The following ARHGEF7 variants were observed in gnomAD, a reference collection of about 807,000 sequenced individuals.
ARHGEF7 encodes PAK-interacting exchange factor beta.
A neutral mutation model predicts 109.8 loss-of-function variants in ARHGEF7; 33 were observed. The ratio of observed to expected loss-of-function variants is 0.30; its 90% CI spans 0.23 to 0.40. The LOEUF (loss-of-function observed/expected upper bound fraction) is 0.40, where lower values mean the gene tolerates loss of function less well. Among genes scored for constraint, ARHGEF7 ranks in the 10% least tolerant of loss-of-function variants. ARHGEF7 has a pLI of 1.00. For missense variants in ARHGEF7, 938 were observed against 1,098.5 expected, an observed-to-expected ratio of 0.85 and a Z score of 2.07; for synonymous variants, 458 against 424.6, an observed-to-expected ratio of 1.08 and a Z score of -0.97.
intron 1 of ARHGEF7, among the ~76,000 whole-genome samples, chr13:111,148,406 TAC>T (rs1467451596): frequency 6.6e-6 from 1 of 152,252 alleles, no homozygotes; most frequent in Non-Finnish European, 1.5e-5. Flanking sequence ...ATGTTTTAGG[TAC>T]AGTGTTCTTT....
At chr13:111,216,322 T>G (rs1460417080) in intron 4 of ARHGEF7, among the ~76,000 whole-genome samples, 1 of 152,018 alleles carries the variant, frequency 6.6e-6, no homozygotes, top group Non-Finnish European at 1.5e-5. Flanking sequence ...GGGGGCTGTA[T>G]GTCAAGAAGT....
chr13:111,153,568 C>T (rs546537072), intron 1 of ARHGEF7: 3 of 1,034,606 alleles, frequency 2.9e-6, no homozygotes, highest in South Asian at 5.6e-5. Context: ...GCAGGGTGGG[C>T]TGCGTCCGCG....
At chr13:111,183,690 T>A (rs971536967) in intron 2 of ARHGEF7, among the ~76,000 whole-genome samples, 1 of 152,192 alleles carries the variant, frequency 6.6e-6, no homozygotes, top group African/African-American at 2.4e-5. Flanking sequence ...ATGGCCTCTT[T>A]ATGAGGGAGG....
At chr13:111,203,136 A>G (rs548845318) in intron 2 of ARHGEF7, 2 of 1,271,052 alleles carry the variant, frequency 1.6e-6, no homozygotes, top group African/African-American at 3.1e-5. Flanking sequence ...AAATTTATGT[A>G]TGTATTTCTT....
intron 2 of ARHGEF7, among the ~76,000 whole-genome samples, chr13:111,172,746 A>G (rs903482775): frequency 6.6e-6 from 1 of 152,224 alleles, no homozygotes; most frequent in Non-Finnish European, 1.5e-5. Context: ...GCTAGACAGT[A>G]ACTATCTTGT....
At chr13:111,237,837 C>T (rs1442823491) in intron 6 of ARHGEF7, among the ~76,000 whole-genome samples, 1 of 152,182 alleles carries the variant, frequency 6.6e-6, no homozygotes, top group Non-Finnish European at 1.5e-5. Flanking sequence ...AGATAGAAGA[C>T]ATTGTGCTAG....
intron 4 of ARHGEF7, among the ~76,000 whole-genome samples, chr13:111,211,125 G>A (rs2082437343): frequency 6.6e-6 from 1 of 152,160 alleles, no homozygotes; most frequent in Admixed American, 6.5e-5. Flanking sequence ...GTGGGCGGTG[G>A]GCTGCATGGC....
At chr13:111,292,952 G>T in intron 19 of ARHGEF7, 1 of 985,950 alleles carries the variant, frequency 1.0e-6, no homozygotes, top group Non-Finnish European at 1.2e-6. Context: ...TCACGGCTCT[G>T]TGCTCTTCTG....
At chr13:111,242,690 C>T (rs1595099977) in intron 6 of ARHGEF7, among the ~76,000 whole-genome samples, 1 of 152,382 alleles carries the variant, frequency 6.6e-6, no homozygotes. Context: ...TCCTCAGTCT[C>T]ATGCCAAAGA....
chr13:111,174,637 G>C (rs972169886), intron 2 of ARHGEF7, among the ~76,000 whole-genome samples: 3 of 152,178 alleles, frequency 2.0e-5, no homozygotes, highest in Non-Finnish European at 4.4e-5. Context: ...TCATTGTCTT[G>C]CCTTAGTTAA....
intron 13 of ARHGEF7, 27 bp from the exon 14 acceptor site, chr13:111,280,245 T>A: frequency 6.3e-7 from 1 of 1,591,270 alleles, no homozygotes; most frequent in Non-Finnish European, 8.6e-7. Context: ...AATTGTTTTT[T>A]TTTTTGTGGG....
chr13:111,132,632 A>G (rs1372864215), intron 1 of ARHGEF7, among the ~76,000 whole-genome samples: 1 of 152,220 alleles, frequency 6.6e-6, no homozygotes, highest in African/African-American at 2.4e-5. Flanking sequence ...AGTGTATTAC[A>G]TATCATGCTA....
intron 8 of ARHGEF7, 125 bp from the exon 9 acceptor site, chr13:111,267,423 C>T: frequency 7.7e-7 from 1 of 1,296,662 alleles, no homozygotes; most frequent in Non-Finnish European, 1.1e-6. Context: ...GGATCGGGGC[C>T]TCTGGTTTTC....
At chr13:111,157,730 T>C (rs903053458) in intron 2 of ARHGEF7, among the ~76,000 whole-genome samples, 1 of 152,338 alleles carries the variant, frequency 6.6e-6, no homozygotes, top group Middle Eastern at 3.4e-3. Context: ...TCCAGTATTT[T>C]GCTATGTTAC....
In ARHGEF7 at chr13:111,283,293, A is replaced by G. The variant is rs1263611040; in HGVS notation, c.1880A>G (p.Lys627Arg). The change falls in exon 16 of 22, where the codon AAG becomes AGG. Residue 627 changes from lysine (K) to arginine (R), a missense_variant. Physicochemically the swap from Lys to Arg is conservative, Grantham distance 26. This residue lies in a region of ARHGEF7 where 585 missense variants were observed against 723.6 expected (regional missense o/e 0.81). Transcript: ENST00000646102. ...WGPLEPPKTP[K>R]PWSLSCLRPA... ...CCCCTGGAGCCTCCGAAAACACCCAAGCCCTGGAGCCTGAGCTGCCTGCGG... is the reference window on the plus strand; with the variant it reads ...CCCCTGGAGCCTCCGAAAACACCCAGGCCCTGGAGCCTGAGCTGCCTGCGG... 4.4e-6 allele frequency: 7 copies of G among 1,576,016 alleles called. No homozygotes were observed. Among genetic ancestry groups the G allele is most frequent in the African/African-American group, 4.0e-5 (3 of 74,322 alleles).
At position 111,229,543 on chromosome 13, in the gene ARHGEF7, A is replaced by G. The variant is rs535948261; in HGVS notation, c.671-3662A>G. 7.2e-5 allele frequency among the ~76,000 whole-genome samples: 11 copies of G among 152,240 alleles called. No homozygotes were observed. The East Asian group carries it at 1.9e-3, about 27-fold the overall frequency. ...TCTCTCCTGTCATTTTAAACGACAGATTACATTAGGTCTTGATTTTCCTCT... is the reference window on the plus strand; with the variant it reads ...TCTCTCCTGTCATTTTAAACGACAGGTTACATTAGGTCTTGATTTTCCTCT... On this transcript the variant is annotated intron_variant, in intron 5 of 21. Coordinates refer to ENST00000646102, the MANE Select transcript of ARHGEF7 (RefSeq NM_001354046.2).
intron 5 of ARHGEF7, among the ~76,000 whole-genome samples, chr13:111,221,717 C>CTATA (rs2084427852): frequency 6.7e-6 from 1 of 148,830 alleles, no homozygotes; most frequent in Non-Finnish European, 1.5e-5. Flanking sequence ...CTGTATCTAT[C>CTATA]TATATATACA....
chr13:111,198,173 G>A (rs1051958558), intron 2 of ARHGEF7, among the ~76,000 whole-genome samples: 2 of 152,154 alleles, frequency 1.3e-5, no homozygotes, highest in Admixed American at 6.5e-5. Context: ...CCTGACACGC[G>A]TGTCTTTAGT....
chr13:111,144,367 G>C (rs143997962), intron 1 of ARHGEF7: 2 of 152,318 alleles, frequency 1.3e-5, no homozygotes, highest in Admixed American at 1.3e-4. Context: ...AAGACTTTTT[G>C]GGGGAGCAGC....
Sources: gnomAD v4.1 joint callset for allele counts (sites outside exome capture counted in the v4.1 genomes callset) on GRCh38, gnomAD v4.1.1 for gene constraint, gnomAD v4.1.1 regional missense constraint, MANE v1.5 for transcripts, NCBI Gene and HGNC (gene_info 2026-07-23, HGNC 2026-07-21) for gene names.